Variants in RBFOX1 observed in about 807,000 individuals in gnomAD.
RBFOX1 encodes RNA binding protein fox-1 homolog 1.
RBFOX1 carries 8 observed loss-of-function variants against 57.7 expected under a neutral mutation model. The observed-to-expected ratio is 0.14, with a 90% CI of 0.08 to 0.25. RBFOX1 has a LOEUF of 0.25. RBFOX1 is among the 10% of genes least tolerant of loss of function. The pLI is 1.00. For missense variants in RBFOX1, 611 were observed against 548.5 expected, an observed-to-expected ratio of 1.11 and a Z score of -1.14; for synonymous variants, 326 against 222.4, an observed-to-expected ratio of 1.47 and a Z score of -4.15.
chr16:5,300,159 G>T (rs1039664524), intron 1 of RBFOX1, among the ~76,000 whole-genome samples: 1 of 151,768 alleles, frequency 6.6e-6, no homozygotes, highest in Non-Finnish European at 1.5e-5. Context: ...ATCTCATTTG[G>T]TCATATTGTA....
At chr16:5,434,263 C>T (rs983351236) in intron 1 of RBFOX1, among the ~76,000 whole-genome samples, 3 of 150,714 alleles carry the variant, frequency 2.0e-5, no homozygotes, top group African/African-American at 7.4e-5. Context: ...AAATATTCCC[C>T]TGGGCTTCCA....
chr16:5,405,152 T>A (rs1171755693), intron 1 of RBFOX1, among the ~76,000 whole-genome samples: 1 of 152,224 alleles, frequency 6.6e-6, no homozygotes, highest in Non-Finnish European at 1.5e-5. Flanking sequence ...ATAGGGCTCC[T>A]CACTGCTGTG....
chr16:6,334,560 A>G (rs571860389), intron 2 of RBFOX1, among the ~76,000 whole-genome samples: 1 of 151,884 alleles, frequency 6.6e-6, no homozygotes, highest in Non-Finnish European at 1.5e-5. Context: ...TTATATATTG[A>G]GAAATAAGAT....
intron 3 of RBFOX1, among the ~76,000 whole-genome samples, chr16:6,877,109 C>T (rs546837383): frequency 1.6e-4 from 24 of 152,196 alleles, no homozygotes; most frequent in East Asian, 1.2e-3. Context: ...TAGGCAGTCC[C>T]GCTGAAGAGA....
intron 4 of RBFOX1, among the ~76,000 whole-genome samples, chr16:7,198,925 C>T (rs972047563): frequency 6.6e-6 from 1 of 152,258 alleles, no homozygotes; most frequent in East Asian, 1.9e-4. Flanking sequence ...ACAGTTTGCT[C>T]AGTATGAACC....
chr16:7,133,935 C>A (rs1241597250), intron 4 of RBFOX1, among the ~76,000 whole-genome samples: 1 of 152,174 alleles, frequency 6.6e-6, no homozygotes, highest in Non-Finnish European at 1.5e-5. Flanking sequence ...TGATCTGCTA[C>A]TTAATATGTC....
intron 2 of RBFOX1, among the ~76,000 whole-genome samples, chr16:5,532,575 G>GAGC (rs1244038166): frequency 2.0e-5 from 3 of 152,206 alleles, no homozygotes; most frequent in Non-Finnish European, 2.9e-5. Context: ...GTACAGCACA[G>GAGC]AGCAGCACTG....
chr16:5,936,184 C>A (rs552233894), intron 4 of RBFOX1, among the ~76,000 whole-genome samples: 4 of 152,104 alleles, frequency 2.6e-5, no homozygotes, highest in Admixed American at 1.3e-4. Flanking sequence ...AGTGCCGTGG[C>A]GTGATCTTGG....
intron 1 of RBFOX1, among the ~76,000 whole-genome samples, chr16:6,104,837 A>G (rs1007507449): frequency 6.6e-6 from 1 of 152,256 alleles, no homozygotes; most frequent in Non-Finnish European, 1.5e-5. Flanking sequence ...AGTGAGCTGC[A>G]AAAGACTACT....
At chr16:5,405,689 C>T (rs1228373383) in intron 1 of RBFOX1, among the ~76,000 whole-genome samples, 1 of 152,178 alleles carries the variant, frequency 6.6e-6, no homozygotes, top group Non-Finnish European at 1.5e-5. Context: ...TGGCAGGATG[C>T]TCATGGGAGG....
chr16:5,247,588 C>T (rs570908136), intron 1 of RBFOX1, among the ~76,000 whole-genome samples: 2 of 152,328 alleles, frequency 1.3e-5, no homozygotes, highest in South Asian at 2.1e-4. Context: ...AGACAGCCCC[C>T]TGCCTGTTCA....
chr16:5,556,304 G>A (rs1205432697), intron 2 of RBFOX1, among the ~76,000 whole-genome samples: 4 of 152,156 alleles, frequency 2.6e-5, no homozygotes, highest in African/African-American at 7.2e-5. Context: ...CAGTGTAAAC[G>A]GTGGTATTCG....
At chr16:6,532,484 G>T (rs1008838145) in intron 2 of RBFOX1, among the ~76,000 whole-genome samples, 3 of 152,064 alleles carry the variant, frequency 2.0e-5, no homozygotes, top group African/African-American at 7.2e-5. Context: ...CTGCTTTAAG[G>T]CGATGTTTAT....
chr16:6,975,792 G>A (rs2086695487), intron 3 of RBFOX1, among the ~76,000 whole-genome samples: 1 of 152,138 alleles, frequency 6.6e-6, no homozygotes. Context: ...TTAGGAGCTT[G>A]CTGAGTGAAT....
At chr16:6,801,218 G>T (rs1307226643) in intron 3 of RBFOX1, among the ~76,000 whole-genome samples, 2 of 138,400 alleles carry the variant, frequency 1.4e-5, no homozygotes, top group African/African-American at 2.7e-5. Context: ...AAAAAAAAAA[G>T]TAACGTTACA....
chr16:5,904,871 G>A (rs1372831415), intron 4 of RBFOX1, among the ~76,000 whole-genome samples: 1 of 150,926 alleles, frequency 6.6e-6, no homozygotes, highest in Non-Finnish European at 1.5e-5. Context: ...CAGCTACTCG[G>A]GAGGCTGAGG....
intron 2 of RBFOX1, among the ~76,000 whole-genome samples, chr16:6,476,549 C>A (rs892294917): frequency 1.1e-4 from 17 of 152,156 alleles, no homozygotes; most frequent in Non-Finnish European, 2.2e-4. Flanking sequence ...TTTAAAAAGA[C>A]TTTATTGCTA....
intron 4 of RBFOX1, among the ~76,000 whole-genome samples, chr16:7,355,038 T>C (rs2097190958): frequency 6.6e-6 from 1 of 152,186 alleles, no homozygotes; most frequent in Non-Finnish European, 1.5e-5. Flanking sequence ...TACCAGACAG[T>C]GTGCTAAGCA....
chr16:7,700,608 GACAA>G lies in RBFOX1; in HGVS notation c.996-8442_996-8439del, dbSNP rs367678805. The stretch of plus-strand genomic sequence containing the variant: ...TAGTGATTTTGGTAGAGCAGGAGTA[GACAA>G]ACAAAGGAGAAATGAAATTTCTAAG... On this transcript the variant is annotated intron_variant, in intron 14 of 15. Coordinates refer to ENST00000550418, the MANE Select transcript of RBFOX1 (RefSeq NM_018723.4). Among the ~76,000 whole-genome samples the G allele has an allele frequency of 8.2e-4, 125 of 152,302 alleles. 3 individuals carry two copies. In the Middle Eastern group the frequency reaches 0.02, roughly 25 times the overall value.
Sources: allele counts gnomAD v4.1 joint callset (sites outside exome capture counted in the v4.1 genomes callset), GRCh38; gene constraint gnomAD v4.1.1; transcripts MANE v1.5; gene names NCBI Gene and HGNC (gene_info 2026-07-23, HGNC 2026-07-21).